The following CHCHD6 variants were observed in gnomAD, a reference collection of about 807,000 sequenced individuals.
CHCHD6 encodes the protein coiled-coil-helix-coiled-coil-helix domain containing 6.
CHCHD6 carries 28 observed loss-of-function variants against 32.3 expected under a neutral mutation model. That is an observed-to-expected ratio of 0.87 (90% CI 0.64 to 1.19). CHCHD6 has a LOEUF of 1.19. CHCHD6 is among the 50% of genes most tolerant of loss of function. The pLI is 0.00. For synonymous variants in CHCHD6, 122 were observed against 117.5 expected (o/e 1.04, Z -0.25); for missense variants, 333 against 307.0 (o/e 1.08, Z -0.63).
chr3:126,905,315 G>T (rs1244960334), intron 5 of CHCHD6, among the ~76,000 whole-genome samples: 1 of 152,198 alleles, frequency 6.6e-6, no homozygotes, highest in Admixed American at 6.5e-5. Flanking sequence ...GATTAGTTTT[G>T]CCTGGGAGAG....
intron 5 of CHCHD6, among the ~76,000 whole-genome samples, chr3:126,870,869 A>G (rs1002966486): frequency 3.9e-5 from 6 of 152,186 alleles, no homozygotes; most frequent in Non-Finnish European, 1.5e-5. Flanking sequence ...CAGTTCACCA[A>G]TCTGTAGTTT....
At chr3:126,887,613 A>G (rs1005484519) in intron 5 of CHCHD6, among the ~76,000 whole-genome samples, 5 of 152,262 alleles carry the variant, frequency 3.3e-5, no homozygotes, top group Admixed American at 2.6e-4. Context: ...CCTGAAACCC[A>G]TGTCTTCTGA....
intron 6 of CHCHD6, among the ~76,000 whole-genome samples, chr3:126,930,640 A>G (rs2078390512): frequency 6.6e-6 from 1 of 152,104 alleles, no homozygotes; most frequent in Non-Finnish European, 1.5e-5. Flanking sequence ...TGTTGTGTGG[A>G]GTTTGGTTGG....
intron 4 of CHCHD6, among the ~76,000 whole-genome samples, chr3:126,821,492 C>T (rs989613364): frequency 6.6e-6 from 1 of 152,104 alleles, no homozygotes; most frequent in Non-Finnish European, 1.5e-5. Context: ...GACGGGATTT[C>T]ACTATGTTGG....
chr3:126,780,311 C>G (rs1347917920), intron 4 of CHCHD6: 1 of 420,344 alleles, frequency 2.4e-6, no homozygotes, highest in Non-Finnish European at 4.7e-6. Context: ...CTATTAATTT[C>G]CTTCATTTGT....
In CHCHD6 at chr3:126,960,300, G is replaced by A. The variant is rs1404546027; in HGVS notation, c.*99G>A. On this transcript the variant is annotated 3_prime_UTR_variant, in exon 8 of 8. Transcript: ENST00000290913. Reference sequence around the variant, plus strand: ...ACTGTGCCCTGCCGTTTCCTGCTGGGCCCCTGCATATGCCCCTGAGCCTGG... The same window carrying A: ...ACTGTGCCCTGCCGTTTCCTGCTGGACCCCTGCATATGCCCCTGAGCCTGG... The A allele has an allele frequency of 2.8e-6, 4 of 1,435,334 alleles. No individual in the cohort carries two copies. Among genetic ancestry groups the A allele is most frequent in the African/African-American group, 2.8e-5 (2 of 70,946 alleles). 88.9% of individuals were successfully genotyped at this position (1,435,334 alleles called of 1,614,324 possible). A position where few individuals can be genotyped will look rare whatever the true frequency, so the allele number is the denominator to read the frequency against.
intron 5 of CHCHD6, among the ~76,000 whole-genome samples, chr3:126,864,454 C>T (rs1362407565): frequency 4.6e-5 from 7 of 150,656 alleles, no homozygotes; most frequent in Non-Finnish European, 3.0e-5. Flanking sequence ...TCATCACTGC[C>T]ACCACCACCT....
chr3:126,741,527 C>T (rs904693374), intron 4 of CHCHD6, among the ~76,000 whole-genome samples: 3 of 152,154 alleles, frequency 2.0e-5, no homozygotes, highest in African/African-American at 7.2e-5. Flanking sequence ...CCTACTCAAC[C>T]TGCTGTTGAA....
At chr3:126,947,599 C>A (rs1365987397) in intron 6 of CHCHD6, among the ~76,000 whole-genome samples, 2 of 152,192 alleles carry the variant, frequency 1.3e-5, no homozygotes, top group African/African-American at 4.8e-5. Context: ...CTGTGACTTA[C>A]CAACCCCGTC....
chr3:126,836,298 C>T (rs142725678), intron 4 of CHCHD6, among the ~76,000 whole-genome samples: 207 of 152,294 alleles, frequency 1.4e-3, no homozygotes, highest in African/African-American at 4.9e-3. Context: ...ACTCAGAGGC[C>T]TTTGCATTGG....
At chr3:126,862,636 T>C in intron 5 of CHCHD6, among the ~76,000 whole-genome samples, 2 of 61,448 alleles carry the variant, frequency 3.3e-5, no homozygotes, top group Non-Finnish European at 3.2e-5. Flanking sequence ...CATCACCACC[T>C]CACCCTCTTC....
chr3:126,922,342 C>T (rs1372951626), intron 6 of CHCHD6, among the ~76,000 whole-genome samples: 3 of 152,152 alleles, frequency 2.0e-5, no homozygotes, highest in Admixed American at 6.5e-5. Flanking sequence ...CTCAGTTTCC[C>T]GGTCTGTAAA....
At chr3:126,806,670 CT>C (rs1486725861) in intron 4 of CHCHD6, among the ~76,000 whole-genome samples, 1 of 152,124 alleles carries the variant, frequency 6.6e-6, no homozygotes, top group Non-Finnish European at 1.5e-5. Context: ...ACTAGAAATA[CT>C]ATTTGACCCA....
At chr3:126,813,629 G>T (rs1314200248) in intron 4 of CHCHD6, among the ~76,000 whole-genome samples, 1 of 152,178 alleles carries the variant, frequency 6.6e-6, no homozygotes, top group Non-Finnish European at 1.5e-5. Context: ...ATGAGCAGAG[G>T]CTTTGCACGG....
At chr3:126,955,236 C>T (rs1303523073) in intron 6 of CHCHD6, among the ~76,000 whole-genome samples, 1 of 152,270 alleles carries the variant, frequency 6.6e-6, no homozygotes, top group Admixed American at 6.5e-5. Flanking sequence ...CTGCCCCAGA[C>T]ACCCCAGCTG....
At chr3:126,890,251 G>T (rs2077738399) in intron 5 of CHCHD6, among the ~76,000 whole-genome samples, 1 of 152,260 alleles carries the variant, frequency 6.6e-6, no homozygotes, top group African/African-American at 2.4e-5. Flanking sequence ...AAGGGCTGGA[G>T]GCTCAGCCAC....
intron 4 of CHCHD6, among the ~76,000 whole-genome samples, chr3:126,804,998 CA>C (rs1322446216): frequency 8.5e-5 from 13 of 152,072 alleles, no homozygotes; most frequent in Admixed American, 4.6e-4. Context: ...CAAAATTCAA[CA>C]ACCCTTCATG....
chr3:126,778,942 T>TG (rs1410279636), intron 4 of CHCHD6, among the ~76,000 whole-genome samples: 1 of 151,028 alleles, frequency 6.6e-6, no homozygotes, highest in African/African-American at 2.4e-5. Context: ...TTTTTTTTTT[T>TG]TTTTGGTAGA....
intron 4 of CHCHD6, among the ~76,000 whole-genome samples, chr3:126,822,244 T>G (rs913611078): frequency 6.6e-6 from 1 of 152,216 alleles, no homozygotes; most frequent in African/African-American, 2.4e-5. Flanking sequence ...TTGTATATGG[T>G]GTGAGGTTGG....
Sources: allele counts gnomAD v4.1 joint callset (sites outside exome capture counted in the v4.1 genomes callset), GRCh38; gene constraint gnomAD v4.1.1; transcripts MANE v1.5; gene names NCBI Gene and HGNC (gene_info 2026-07-23, HGNC 2026-07-21).